SEMA6C: variants seen among roughly 807,000 people sequenced by gnomAD.
SEMA6C encodes semaphorin 6C, also known as semaphorin-6C.
Under a neutral mutation model 72.9 loss-of-function variants are expected in SEMA6C, and 37 were observed. That is an observed-to-expected ratio of 0.51 (90% CI 0.39 to 0.67). SEMA6C has a LOEUF of 0.67. SEMA6C is among the 30% of genes least tolerant of loss of function. SEMA6C has a pLI of 0.00. For synonymous variants in SEMA6C, 578 were observed against 554.1 expected (o/e 1.04, Z -0.61); for missense variants, 1,189 against 1,263.6 (o/e 0.94, Z 0.89).
chr1:151,138,253 G>A, intron 8 of SEMA6C, 63 bp downstream of exon 8: 2 of 1,589,290 alleles, frequency 1.3e-6, no homozygotes, highest in Non-Finnish European at 1.7e-6. Context: ...CCCACTGGGA[G>A]AGGAGCTAAG....
In SEMA6C at chr1:151,133,955, C is replaced by T. The variant is rs1312377793; in HGVS notation, c.1760-438G>A. ...ACTCCTATCTCTCCCAAGTAGCCCC[C>T]TTACCCCGAGTGTGAACTCCAAGAG... is the stretch of plus-strand genomic sequence containing the variant. On this transcript the variant is annotated intron_variant, in intron 18 of 18. Transcript: ENST00000368914. This position sits in a 1 kb window ranked among gnomAD's most constrained non-coding sequence, Gnocchi z 5.9. 3 of 1,547,034 alleles carry T rather than the reference C, an allele frequency of 1.9e-6. No individual in the cohort carries two copies. The highest frequency in any genetic ancestry group is 2.6e-6 in the Non-Finnish European group (3 of 1,144,024).
chr1:151,134,129 C>G lies in SEMA6C; in HGVS notation c.1759+272G>C, dbSNP rs587748049. On this transcript the variant is annotated intron_variant, in intron 18 of 18. Transcript: ENST00000368914. ...CCTGACACCCTTCCAGGGGTCCTTC[C>G]TCCCTCCTGTGGAACCCAGGAGTCC... 8 of 1,146,364 alleles carry G rather than the reference C, an allele frequency of 7.0e-6. No homozygotes were observed. The East Asian group carries it at 1.5e-4, about 22-fold the overall frequency. 71.0% of individuals were successfully genotyped at this position (1,146,364 alleles called of 1,614,324 possible).
At chr1:151,136,821 G>A in intron 11 of SEMA6C, 36 bp downstream of exon 11, 3 of 1,570,084 alleles carry the variant, frequency 1.9e-6, no homozygotes, top group Non-Finnish European at 2.6e-6. Flanking sequence ...TGAGGCAGGG[G>A]ACAGATTGGG....
At chr1:151,139,905 T>G in intron 4 of SEMA6C, 71 bp downstream of exon 4, 2 of 1,423,532 alleles carry the variant, frequency 1.4e-6, no homozygotes, top group Non-Finnish European at 2.0e-6. Context: ...GATGCTACAG[T>G]GGCCATACAG....
rs1681609743 is a variant in SEMA6C at position 151,132,417 on chromosome 1, A to G, written c.*67T>C. The G allele has an allele frequency of 6.6e-7, 1 of 1,524,062 alleles. No homozygotes were observed. Among genetic ancestry groups the G allele is most frequent in the African/African-American group, 1.4e-5 (1 of 72,242 alleles). 94.4% of individuals were successfully genotyped at this position (1,524,062 alleles called of 1,614,324 possible). A position where few individuals can be genotyped will look rare whatever the true frequency, so the allele number is the denominator to read the frequency against. On this transcript the variant is annotated 3_prime_UTR_variant, in exon 19 of 19. Transcript: ENST00000368914. ...GCGAGGGGGCGGTGAAACGTCCTGA[A>G]GAGCGTCCAGCTCGTGGCCGAGAGG...
chr1:151,143,151 C>T (rs1468350120), intron 2 of SEMA6C, among the ~76,000 whole-genome samples: 5 of 152,350 alleles, frequency 3.3e-5, no homozygotes, highest in South Asian at 4.1e-4. Flanking sequence ...GCAGGCACTG[C>T]GCCTAGGCGG....
In SEMA6C at chr1:151,132,738, C is replaced by T. The variant is rs1681654120; in HGVS notation, c.2539G>A (p.Gly847Ser). The change falls in exon 19 of 19, where the codon GGC (glycine) becomes AGC (serine). Residue 847 changes from glycine (G) to serine (S), a missense_variant. Gly to Ser is a moderately conservative substitution (Grantham distance 56). This residue lies in a region of SEMA6C where 721 missense variants were observed against 686.2 expected (regional missense o/e 1.05). Coordinates refer to ENST00000368914, the MANE Select transcript of SEMA6C (RefSeq NM_030913.6). ...LSAPAPRLGV[G>S]GGRRLPFSGH... ...GAGAAAGGCAACCTCCGGCCTCCGCCGACGCCCAGCCGGGGAGCGGGGGCG... is the reference window on the plus strand; with the variant it reads ...GAGAAAGGCAACCTCCGGCCTCCGCTGACGCCCAGCCGGGGAGCGGGGGCG... 1 of 1,452,628 alleles carries T rather than the reference C, an allele frequency of 6.9e-7. No homozygotes were observed. The highest frequency in any genetic ancestry group is 2.6e-5 in the East Asian group (1 of 38,424). The allele number at this position is 1,452,628 out of a possible 1,614,324, so 90.0% of individuals were successfully genotyped here.
chr1:151,137,865 C>A, intron 9 of SEMA6C, 66 bp from the exon 10 acceptor site: 1 of 1,580,888 alleles, frequency 6.3e-7, no homozygotes, highest in Non-Finnish European at 8.6e-7. Context: ...GCTCCTGGCC[C>A]CACACCGCTC....
Position 151,133,819 on chromosome 1 carries a change from G to T in SEMA6C, c.1760-302C>A. 2 of 895,804 alleles carry T rather than the reference G, an allele frequency of 2.2e-6. No individual in the cohort carries two copies. The highest frequency in any genetic ancestry group is 3.4e-6 in the Non-Finnish European group (2 of 586,354). The allele number at this position is 895,804 out of a possible 1,614,324, so 55.5% of individuals were successfully genotyped here. ...AACTGCTCGTGCAGGAGAACTCGGG[G>T]CTGGGATGCCCAATTCTGGGGAAGG... is the stretch of plus-strand genomic sequence containing the variant. On this transcript the variant is annotated intron_variant, in intron 18 of 18. Coordinates refer to ENST00000368914, the MANE Select transcript of SEMA6C (RefSeq NM_030913.6). The surrounding 1 kb of genome is among the most constrained non-coding windows in gnomAD (Gnocchi z 5.9).
rs770712929 is a variant in SEMA6C at position 151,140,100 on chromosome 1, A to T, written c.119-10T>A. On this transcript the variant is annotated splice_polypyrimidine_tract_variant and intron_variant, in intron 3 of 18. Transcript: ENST00000368914. Reference sequence around the variant, plus strand: ...GATAATGGGGAAGTACCTTGAGGACACAGAGAGATAGGATTCTGAGGATAC... The same window carrying T: ...GATAATGGGGAAGTACCTTGAGGACTCAGAGAGATAGGATTCTGAGGATAC... The T allele has an allele frequency of 8.7e-5, 140 of 1,608,712 alleles. No individual in the cohort carries two copies. Among genetic ancestry groups the T allele is most frequent in the Non-Finnish European group, 1.2e-4 (137 of 1,176,110 alleles).
At chr1:151,138,178 C>T in intron 8 of SEMA6C, 73 bp from the exon 9 acceptor site, 2 of 1,594,076 alleles carry the variant, frequency 1.3e-6, no homozygotes, top group East Asian at 4.5e-5. Context: ...GGGCCTCCTG[C>T]ACCCCTACCT....
chr1:151,132,588 G>C lies in SEMA6C; in HGVS notation c.2689C>G (p.Leu897Val). 6.4e-7 allele frequency: 1 copy of C among 1,551,558 alleles called. No homozygotes were observed. The highest frequency in any genetic ancestry group is 1.7e-4 in the Middle Eastern group (1 of 5,992). Residue 897 changes from leucine to valine, a missense_variant, in exon 19 of 19, where the codon CTG (leucine) becomes GTG (valine). Transcript: ENST00000368914. ...GRPEGYRGRA[L>V]KRVDVEKPQL... is the part of the protein sequence containing the mutation. ...GGCTTCTCGACGTCCACCCTTTTCA[G>C]GGCGCGGCCCCGGTAGCCCTCGGGC...
chr1:151,136,984 G>A lies in SEMA6C; in HGVS notation c.847C>T (p.Leu283Phe), dbSNP rs587745430. Residue 283 changes from leucine to phenylalanine, a missense_variant, in exon 11 of 19, where the codon CTT becomes TTT. Around this residue, in one of 2 missense-constraint regions of SEMA6C, gnomAD observed 468 missense variants for 577.4 expected, o/e 0.81. Coordinates refer to ENST00000368914, the MANE Select transcript of SEMA6C (RefSeq NM_030913.6). Reference protein sequence around the residue: ...LDRHWTSFLKLRLNCSVPGDS... With the variant: ...LDRHWTSFLKFRLNCSVPGDS... ...CCAGGGACAGAGCAGTTGAGCCGAAGCTTCAGGAAGGATGTCCAGTGGCGG... is the reference window on the plus strand; with the variant it reads ...CCAGGGACAGAGCAGTTGAGCCGAAACTTCAGGAAGGATGTCCAGTGGCGG... The A allele has an allele frequency of 3.7e-6, 6 of 1,614,186 alleles. No homozygotes were observed. The South Asian group carries it at 6.6e-5, about 18-fold the overall frequency.
rs1015178841 is a variant in SEMA6C at position 151,134,296 on chromosome 1, G to C, written c.1759+105C>G. On this transcript the variant is annotated intron_variant, in intron 18 of 18. Transcript: ENST00000368914. The stretch of plus-strand genomic sequence containing the variant: ...ATCTGGAGGATGCCGACCCTTTTCC[G>C]ATACTCCCAGGGTATTCAGAATGCT... 5.2e-6 allele frequency: 6 copies of C among 1,163,296 alleles called. No individual in the cohort carries two copies. The African/African-American group carries it at 9.2e-5, about 18-fold the overall frequency. The allele number at this position is 1,163,296 out of a possible 1,614,324, so 72.1% of individuals were successfully genotyped here. A position where few individuals can be genotyped will look rare whatever the true frequency, so the allele number is the denominator to read the frequency against.
chr1:151,137,261 T>C (rs5023311), intron 10 of SEMA6C, among the ~76,000 whole-genome samples, 187 bp from the exon 11 acceptor site: 113,176 of 151,788 alleles, frequency 0.75, 42,901 homozygotes, highest in East Asian at 0.91. Flanking sequence ...CTGGCTAACA[T>C]GGTGAAACCC....
At chr1:151,140,947 G>A (rs186285076) in intron 3 of SEMA6C, among the ~76,000 whole-genome samples, 21 of 151,352 alleles carry the variant, frequency 1.4e-4, no homozygotes, top group Non-Finnish European at 2.8e-4. Context: ...GCAGTGAGCC[G>A]AGATCACGCC....
rs1227314747 is a variant in SEMA6C at position 151,137,005 on chromosome 1, G to A, written c.826C>T (p.His276Tyr). 1 of 1,614,042 alleles carries A rather than the reference G, an allele frequency of 6.2e-7. No individual in the cohort carries two copies. The highest frequency in any genetic ancestry group is 8.5e-7 in the Non-Finnish European group (1 of 1,180,046). The change falls in exon 11 of 19, where the codon CAC becomes TAC. Residue 276 changes from histidine to tyrosine, a missense_variant. Coordinates refer to ENST00000368914, the MANE Select transcript of SEMA6C (RefSeq NM_030913.6). ...MGGSPRALDR[H>Y]WTSFLKLRLN... ...CGAAGCTTCAGGAAGGATGTCCAGTGGCGGTCCAAGGCCCGAGGCGAGCCG... is the reference window on the plus strand; with the variant it reads ...CGAAGCTTCAGGAAGGATGTCCAGTAGCGGTCCAAGGCCCGAGGCGAGCCG...
In SEMA6C at chr1:151,132,810, G is replaced by A. The variant is rs1240917551; in HGVS notation, c.2467C>T (p.Pro823Ser). ...GCAGAGGCGCACCTGCCCTCGGGGG[G>A]CACGTCCAGCCTCAGCGGCGAGGCG... ...ECASPLRLDV[P>S]PEGRCASAPA... Residue 823 changes from proline to serine, a missense_variant, in exon 19 of 19, where the codon CCC becomes TCC. Physicochemically the swap from Pro to Ser is moderately conservative, Grantham distance 74 (BLOSUM62 -1). Transcript: ENST00000368914. 1.7e-5 allele frequency: 22 copies of A among 1,329,304 alleles called. No homozygotes were observed. The highest frequency in any genetic ancestry group is 2.0e-5 in the Non-Finnish European group (21 of 1,039,004). 82.3% of individuals were successfully genotyped at this position (1,329,304 alleles called of 1,614,324 possible).
Position 151,132,966 on chromosome 1 carries a change from G to A in SEMA6C, c.2311C>T (p.Leu771=). Residue 771 remains leucine, a synonymous_variant, in exon 19 of 19, where the codon CTG becomes TTG. Coordinates refer to ENST00000368914, the MANE Select transcript of SEMA6C (RefSeq NM_030913.6). ...AVEVTTLEEL[L]RYLHGPQPPR... is the part of the protein sequence containing the mutation. ...GGCTGCGGGCCGTGCAGGTAGCGCA[G>A]CAGTTCCTCCAGGGTGGTGACTTCC... The A allele has an allele frequency of 7.1e-7, 1 of 1,414,630 alleles. No homozygotes were observed. The highest frequency in any genetic ancestry group is 9.3e-7 in the Non-Finnish European group (1 of 1,080,514). The allele number at this position is 1,414,630 out of a possible 1,614,324, so 87.6% of individuals were successfully genotyped here. A position where few individuals can be genotyped will look rare whatever the true frequency, so the allele number is the denominator to read the frequency against.
Sources: allele counts gnomAD v4.1 joint callset (sites outside exome capture counted in the v4.1 genomes callset), GRCh38; gene constraint gnomAD v4.1.1; regional missense constraint gnomAD v4.1.1; non-coding constraint Gnocchi (gnomAD v3.1); transcripts MANE v1.5; gene names NCBI Gene and HGNC (gene_info 2026-07-23, HGNC 2026-07-21).